LPP: variants seen among roughly 807,000 people sequenced by gnomAD.
LPP encodes lipoma-preferred partner.
In LPP, 38 loss-of-function variants were observed where a neutral mutation model predicts 60.4. The observed-to-expected ratio is 0.63, with a 90% CI of 0.49 to 0.83. The LOEUF is 0.83. Among genes scored for constraint, LPP ranks in the 40% least tolerant of loss-of-function variants. The probability of loss-of-function intolerance (pLI) is 0.00; values close to 1 mark genes in which losing one functional copy is unlikely to be tolerated. For synonymous variants in LPP, 328 were observed against 290.8 expected (o/e 1.13, Z -1.30); for missense variants, 902 against 783.6 (o/e 1.15, Z -1.80).
intron 5 of LPP, among the ~76,000 whole-genome samples, chr3:188,506,989 G>C (rs1365631704): frequency 6.6e-6 from 1 of 152,014 alleles, no homozygotes; most frequent in Non-Finnish European, 1.5e-5. Context: ...AGTAGAGACG[G>C]GGTTTCACTG....
intron 9 of LPP, among the ~76,000 whole-genome samples, chr3:188,823,559 G>A (rs959143272): frequency 5.9e-5 from 9 of 152,104 alleles, no homozygotes; most frequent in East Asian, 3.8e-4. Flanking sequence ...AAAATGTTTC[G>A]TTTTACTAAG....
chr3:188,175,734 C>T (rs769591654), intron 1 of LPP, among the ~76,000 whole-genome samples: 4 of 152,146 alleles, frequency 2.6e-5, no homozygotes, highest in Admixed American at 2.0e-4. Flanking sequence ...TCAGATAATA[C>T]AGCAGTTCCT....
chr3:188,351,346 C>T (rs556099285), intron 3 of LPP, among the ~76,000 whole-genome samples: 1 of 152,278 alleles, frequency 6.6e-6, no homozygotes, highest in Non-Finnish European at 1.5e-5. Context: ...AAATGACTTA[C>T]TTAAATTTGC....
At chr3:188,331,023 T>A (rs12492787) in intron 2 of LPP, among the ~76,000 whole-genome samples, 18,579 of 152,128 alleles carry the variant, frequency 0.12, 1,865 homozygotes, top group East Asian at 0.31. Context: ...ACTTCTACAT[T>A]TGTTTTTTTC....
rs186789074 is a variant in LPP, at chr3:188,230,785, A to G, written c.-67+5258A>G. Among the ~76,000 whole-genome samples the G allele has an allele frequency of 2.5e-3, 383 of 152,128 alleles. 1 individual carries two copies. The highest frequency in any genetic ancestry group is 4.3e-3 in the Non-Finnish European group (291 of 67,962). On this transcript the variant is annotated intron_variant, in intron 2 of 11. Transcript: ENST00000617246. ...CAAAACTCTGTCTCAAAAAAAAAAA[A>G]AAAGAAAAAAAGCATTGATTAATAT...
At chr3:188,457,757 A>ATAT (rs1560429922) in intron 4 of LPP, among the ~76,000 whole-genome samples, 1 of 120,466 alleles carries the variant, frequency 8.3e-6, no homozygotes, top group Admixed American at 8.1e-5. Flanking sequence ...TATATATATA[A>ATAT]AATTAGCCAG....
intron 1 of LPP, among the ~76,000 whole-genome samples, chr3:188,169,856 T>C (rs1721045284): frequency 6.6e-6 from 1 of 152,172 alleles, no homozygotes; most frequent in Admixed American, 6.5e-5. Context: ...GGGTCAGAAT[T>C]CTACTTTGTC....
chr3:188,702,167 A>G (rs1431489800), intron 7 of LPP, among the ~76,000 whole-genome samples: 1 of 151,918 alleles, frequency 6.6e-6, no homozygotes, highest in African/African-American at 2.4e-5. Context: ...CATGTTAGCT[A>G]GGATGGTCTC....
intron 7 of LPP, among the ~76,000 whole-genome samples, chr3:188,663,770 G>A (rs1004446283): frequency 2.6e-5 from 4 of 152,134 alleles, no homozygotes; most frequent in Non-Finnish European, 4.4e-5. Flanking sequence ...TGGTGGGGTA[G>A]GGATGGCTTC....
intron 9 of LPP, among the ~76,000 whole-genome samples, chr3:188,813,149 G>A (rs1049172574): frequency 2.0e-5 from 3 of 151,984 alleles, no homozygotes; most frequent in Admixed American, 6.6e-5. Context: ...TTTACGAATC[G>A]AATTAGAAAA....
chr3:188,774,478 C>G (rs1473904864), intron 9 of LPP, among the ~76,000 whole-genome samples: 1 of 151,938 alleles, frequency 6.6e-6, no homozygotes, highest in East Asian at 1.9e-4. Context: ...CCCTATCCAC[C>G]TCCAAATCTT....
intron 5 of LPP, among the ~76,000 whole-genome samples, chr3:188,500,030 A>G (rs1472026035): frequency 6.6e-6 from 1 of 152,142 alleles, no homozygotes; most frequent in African/African-American, 2.4e-5. Context: ...GGTTTTCTAC[A>G]TATAAGATTA....
At chr3:188,285,414 C>T (rs1743603338) in intron 2 of LPP, among the ~76,000 whole-genome samples, 1 of 152,048 alleles carries the variant, frequency 6.6e-6, no homozygotes, top group African/African-American at 2.4e-5. Context: ...GTAGAATCTA[C>T]TAACTCCTCT....
chr3:188,543,489 G>C (rs958174106), intron 6 of LPP, among the ~76,000 whole-genome samples: 1 of 152,204 alleles, frequency 6.6e-6, no homozygotes, highest in Non-Finnish European at 1.5e-5. Context: ...AAGGTTCAAC[G>C]GGAGAACGAT....
intron 8 of LPP, among the ~76,000 whole-genome samples, chr3:188,758,983 T>C (rs1485335483): frequency 2.0e-5 from 3 of 152,244 alleles, no homozygotes; most frequent in Non-Finnish European, 4.4e-5. Flanking sequence ...TGCTATACCT[T>C]ATCTATCAAA....
chr3:188,230,780 A>G (rs2149360497), intron 2 of LPP, among the ~76,000 whole-genome samples: 1 of 152,066 alleles, frequency 6.6e-6, no homozygotes, highest in East Asian at 1.9e-4. Context: ...TCTCAAAAAA[A>G]AAAAAAAAGA....
chr3:188,864,486 TA>T (rs1468133479), intron 9 of LPP, among the ~76,000 whole-genome samples: 2 of 152,240 alleles, frequency 1.3e-5, no homozygotes, highest in Non-Finnish European at 2.9e-5. Flanking sequence ...GAAATAGACA[TA>T]AGCACAAATA....
At position 188,382,104 on chromosome 3, in the gene LPP, T is replaced by C. The variant is rs1163517225; in HGVS notation, c.-9-24008T>C. On this transcript the variant is annotated intron_variant, in intron 3 of 11. Coordinates refer to ENST00000617246, the MANE Select transcript of LPP (RefSeq NM_001375462.1). ...TGTTCAGCCAGGGAATGTTTGAAGA[T>C]AGAGAAAAAAGCCCTGCTTTCTCCA... Among the ~76,000 whole-genome samples the C allele has an allele frequency of 8.5e-5, 13 of 152,214 alleles. No individual in the cohort carries two copies. In the East Asian group the frequency reaches 2.3e-3, roughly 27 times the overall value.
At chr3:188,366,622 A>G (rs1279016908) in intron 3 of LPP, among the ~76,000 whole-genome samples, 1 of 152,222 alleles carries the variant, frequency 6.6e-6, no homozygotes, top group Non-Finnish European at 1.5e-5. Flanking sequence ...CTGAGAGGGA[A>G]TGAGTGCTGG....
Sources: allele counts gnomAD v4.1 joint callset (sites outside exome capture counted in the v4.1 genomes callset), GRCh38; gene constraint gnomAD v4.1.1; transcripts MANE v1.5; gene names NCBI Gene and HGNC (gene_info 2026-07-23, HGNC 2026-07-21).